GALNTL6: variants seen among roughly 807,000 people sequenced by gnomAD.
GALNTL6 encodes the protein polypeptide N-acetylgalactosaminyltransferase-like 6.
GALNTL6 carries 46 observed loss-of-function variants against 73.7 expected under a neutral mutation model. The ratio of observed to expected loss-of-function variants is 0.62; its 90% CI spans 0.49 to 0.80. GALNTL6 has a LOEUF of 0.80. Among genes scored for constraint, GALNTL6 ranks in the 30% least tolerant of loss-of-function variants. The pLI, the probability that GALNTL6 is intolerant of heterozygous loss-of-function variation, is 0.00. For missense variants in GALNTL6, 604 were observed against 755.0 expected, an observed-to-expected ratio of 0.80 and a Z score of 2.34; for synonymous variants, 259 against 263.7, an observed-to-expected ratio of 0.98 and a Z score of 0.17.
chr4:172,108,770 G>A (rs1732762363), intron 2 of GALNTL6, among the ~76,000 whole-genome samples: 1 of 152,042 alleles, frequency 6.6e-6, no homozygotes, highest in Non-Finnish European at 1.5e-5. Flanking sequence ...CCAGCACTTT[G>A]GGAGGCTGAG....
intron 7 of GALNTL6, among the ~76,000 whole-genome samples, chr4:172,863,861 C>A (rs937432161): frequency 6.6e-6 from 1 of 152,174 alleles, no homozygotes; most frequent in Middle Eastern, 3.2e-3. Flanking sequence ...ACCCAAGTCT[C>A]ATCTTGAATT....
intron 3 of GALNTL6, among the ~76,000 whole-genome samples, chr4:172,302,380 C>G (rs1470086977): frequency 6.6e-6 from 1 of 152,142 alleles, no homozygotes; most frequent in African/African-American, 2.4e-5. Context: ...ACTGTTCTTC[C>G]CCCACTGTCC....
chr4:172,541,485 AGAGT>A (rs1735547920), intron 5 of GALNTL6, among the ~76,000 whole-genome samples: 1 of 152,242 alleles, frequency 6.6e-6, no homozygotes, highest in Non-Finnish European at 1.5e-5. Flanking sequence ...GGCATAAGAC[AGAGT>A]GAGAGATCAC....
At chr4:172,387,768 A>G in intron 5 of GALNTL6, among the ~76,000 whole-genome samples, 1 of 152,122 alleles carries the variant, frequency 6.6e-6, no homozygotes, top group Non-Finnish European at 1.5e-5. Flanking sequence ...TTCTTCTGCC[A>G]AGTCTACATT....
At chr4:172,215,588 T>C (rs1205319869) in intron 2 of GALNTL6, among the ~76,000 whole-genome samples, 1 of 152,162 alleles carries the variant, frequency 6.6e-6, no homozygotes, top group African/African-American at 2.4e-5. Context: ...TCTTTTTTAC[T>C]TCTATCCTAT....
chr4:172,538,335 C>T (rs752879801), intron 5 of GALNTL6, among the ~76,000 whole-genome samples: 1 of 152,124 alleles, frequency 6.6e-6, no homozygotes, highest in Non-Finnish European at 1.5e-5. Flanking sequence ...GTGGCGGTGC[C>T]TGTAGTCCCA....
intron 2 of GALNTL6, among the ~76,000 whole-genome samples, chr4:171,929,682 A>C (rs2110994120): frequency 6.6e-6 from 1 of 152,262 alleles, no homozygotes; most frequent in Non-Finnish European, 1.5e-5. Context: ...AGAGTGCTGC[A>C]CAGCTGCCCA....
chr4:172,377,305 C>T (rs985755772), intron 5 of GALNTL6, among the ~76,000 whole-genome samples: 7 of 152,154 alleles, frequency 4.6e-5, no homozygotes, highest in African/African-American at 1.7e-4. Flanking sequence ...TCTAGCTAGA[C>T]ATAAAAGTTC....
chr4:171,984,995 C>CA (rs368531253), intron 2 of GALNTL6, among the ~76,000 whole-genome samples: 4,672 of 136,294 alleles, frequency 0.034, 104 homozygotes, highest in African/African-American at 0.058. Flanking sequence ...TCAGCAAAAA[C>CA]AAAAAAAAAA....
At chr4:172,633,863 A>G (rs1158673465) in intron 5 of GALNTL6, among the ~76,000 whole-genome samples, 2 of 152,212 alleles carry the variant, frequency 1.3e-5, no homozygotes, top group South Asian at 4.1e-4. Flanking sequence ...TGATGGTTTT[A>G]TAAATGGGAG....
At position 172,635,296 on chromosome 4, in the gene GALNTL6, G is replaced by C. The variant is rs367918427; in HGVS notation, c.554-174065G>C. On this transcript the variant is annotated intron_variant, in intron 5 of 12. Transcript: ENST00000506823. ...GATATTTTTCAAATATAGTGCGACT[G>C]TTTATTTCAAATTTAATTCAAATAA... 7.2e-5 allele frequency among the ~76,000 whole-genome samples: 11 copies of C among 152,132 alleles called. No homozygotes were observed. The South Asian group carries it at 2.1e-3, about 29-fold the overall frequency.
At chr4:172,314,965 T>C (rs768831811) in intron 4 of GALNTL6, among the ~76,000 whole-genome samples, 3 of 152,160 alleles carry the variant, frequency 2.0e-5, no homozygotes, top group Non-Finnish European at 4.4e-5. Flanking sequence ...AGTATAAAAA[T>C]AAACTGCTTT....
chr4:172,955,825 G>T (rs946877422), intron 10 of GALNTL6, among the ~76,000 whole-genome samples: 7 of 151,238 alleles, frequency 4.6e-5, no homozygotes, highest in African/African-American at 1.7e-4. Context: ...CAAAGGGGGG[G>T]TTGTTCTCTG....
chr4:172,408,093 T>C (rs1413893717), intron 5 of GALNTL6, among the ~76,000 whole-genome samples: 1 of 152,122 alleles, frequency 6.6e-6, no homozygotes, highest in Non-Finnish European at 1.5e-5. Context: ...CTTTGGGGAT[T>C]CGGGTGAAAT....
At chr4:173,022,118 GGAAGGAAGGAAA>G (rs1753034702) in intron 12 of GALNTL6, among the ~76,000 whole-genome samples, 1 of 140,338 alleles carries the variant, frequency 7.1e-6, no homozygotes, top group African/African-American at 2.6e-5. Flanking sequence ...AAAGAAGGAA[GGAAGGAAGGAAA>G]GAAGGAAGGA....
At chr4:171,918,979 G>A (rs1440042174) in intron 2 of GALNTL6, among the ~76,000 whole-genome samples, 1 of 152,106 alleles carries the variant, frequency 6.6e-6, no homozygotes, top group Non-Finnish European at 1.5e-5. Flanking sequence ...ACCAGGGGCT[G>A]TGGGGAGGGG....
At chr4:172,175,088 T>TC (rs1397271107) in intron 2 of GALNTL6, among the ~76,000 whole-genome samples, 1 of 151,902 alleles carries the variant, frequency 6.6e-6, no homozygotes, top group African/African-American at 2.4e-5. Flanking sequence ...AATTTTTTTT[T>TC]TTTTTTGAGA....
At chr4:172,806,458 A>G (rs796068024) in intron 5 of GALNTL6, among the ~76,000 whole-genome samples, 21 of 152,316 alleles carry the variant, frequency 1.4e-4, no homozygotes, top group African/African-American at 4.8e-4. Context: ...TTATAAACCA[A>G]AGAATACAAA....
intron 5 of GALNTL6, among the ~76,000 whole-genome samples, chr4:172,654,304 A>G (rs1457660439): frequency 6.6e-6 from 1 of 152,228 alleles, no homozygotes; most frequent in Non-Finnish European, 1.5e-5. Context: ...ATTTCCAAGC[A>G]TAAGCACTTG....
Sources: gnomAD v4.1 joint callset for allele counts (sites outside exome capture counted in the v4.1 genomes callset) on GRCh38, gnomAD v4.1.1 for gene constraint, MANE v1.5 for transcripts, NCBI Gene and HGNC (gene_info 2026-07-23, HGNC 2026-07-21) for gene names.